The following MYZAP variants were observed in gnomAD, a reference collection of about 807,000 sequenced individuals.
The protein encoded by MYZAP is myocardial zonula adherens protein, also known as GRINL1A complex locus upstream.
A neutral mutation model predicts 69.4 loss-of-function variants in MYZAP; 66 were observed. The ratio of observed to expected loss-of-function variants is 0.95; its 90% CI spans 0.78 to 1.17. The LOEUF is 1.17. Ranked by LOEUF, MYZAP falls within the 50% of genes most tolerant of loss-of-function variation. The pLI is 0.00. For missense variants in MYZAP, 611 were observed against 556.2 expected, an observed-to-expected ratio of 1.10 and a Z score of -0.99; for synonymous variants, 256 against 205.9, an observed-to-expected ratio of 1.24 and a Z score of -2.09.
intron 12 of MYZAP, among the ~76,000 whole-genome samples, chr15:57,675,898 C>T (rs771514105): frequency 7.9e-5 from 12 of 152,236 alleles, no homozygotes; most frequent in South Asian, 2.1e-4. Flanking sequence ...TGCCTGGTAT[C>T]GTGTGTGCAG....
At chr15:57,616,689 A>G (rs2035473078) in intron 2 of MYZAP, among the ~76,000 whole-genome samples, 1 of 151,918 alleles carries the variant, frequency 6.6e-6, no homozygotes, top group Admixed American at 6.6e-5. Context: ...TACACTTGTA[A>G]TTCCAGCTGA....
At chr15:57,647,756 C>A (rs2037515898) in intron 10 of MYZAP, 1 of 985,306 alleles carries the variant, frequency 1.0e-6, no homozygotes, top group African/African-American at 1.7e-5. Flanking sequence ...GCCCTGGGTC[C>A]TAGGCTCATT....
At chr15:57,628,630 C>T (rs1211727648) in intron 5 of MYZAP, among the ~76,000 whole-genome samples, 1 of 152,180 alleles carries the variant, frequency 6.6e-6, no homozygotes, top group African/African-American at 2.4e-5. Context: ...GCAAAAATCA[C>T]TTGTCTGCAT....
At chr15:57,668,894 AT>A (rs869270863) in intron 11 of MYZAP, among the ~76,000 whole-genome samples, 1,908 of 62,550 alleles carry the variant, frequency 0.031, 42 homozygotes, top group African/African-American at 0.069. Context: ...ATATATATAT[AT>A]TTTTTTTTTT....
Position 57,629,971 on chromosome 15 carries a change from A to ATTTTTTTTTTTTTTTT in MYZAP, c.678+132_678+133insTTTTTTTTTTTTTTTT, listed in dbSNP as rs59322468. On this transcript the variant is annotated intron_variant, in intron 6 of 12. Transcript: ENST00000267853. ...TTTTCTCCATTCTCTTCTTCATTGG[A>ATTTTTTTTTTTTTTTT]TTTTTTTTTTTTTTTGAGACAGAGT... 4.7e-4 allele frequency: 408 copies of ATTTTTTTTTTTTTTTT among 875,176 alleles called. 34 individuals carry two copies. In the African/African-American group the frequency reaches 8.3e-3, roughly 18 times the overall value. The allele number at this position is 875,176 out of a possible 1,614,324, so 54.2% of individuals were successfully genotyped here.
At chr15:57,661,578 A>C in intron 11 of MYZAP, 45 bp downstream of exon 11, 1 of 1,510,136 alleles carries the variant, frequency 6.6e-7, no homozygotes, top group Non-Finnish European at 9.0e-7. Context: ...CCTACCATTA[A>C]ATTTTATGTT....
intron 12 of MYZAP, among the ~76,000 whole-genome samples, chr15:57,683,508 A>G (rs1345483049): frequency 1.3e-5 from 2 of 152,132 alleles, no homozygotes; most frequent in Non-Finnish European, 2.9e-5. Flanking sequence ...CATGTTTCAT[A>G]TTTTTCTGAA....
chr15:57,639,619 C>A, intron 10 of MYZAP, 74 bp downstream of exon 10: 2 of 1,517,538 alleles, frequency 1.3e-6, no homozygotes, highest in South Asian at 1.2e-5. Flanking sequence ...ACAAGTCTGC[C>A]TTGCCCCTCC....
At chr15:57,616,239 G>A (rs1204849874) in intron 2 of MYZAP, among the ~76,000 whole-genome samples, 1 of 152,232 alleles carries the variant, frequency 6.6e-6, no homozygotes, top group Admixed American at 6.5e-5. Context: ...TGTGGGCCAG[G>A]CAAGGTGGCT....
intron 1 of MYZAP, among the ~76,000 whole-genome samples, chr15:57,592,685 T>C (rs983712486): frequency 6.6e-6 from 1 of 152,178 alleles, no homozygotes; most frequent in Admixed American, 6.5e-5. Flanking sequence ...GTGACAACAA[T>C]GGCAGCACTG....
chr15:57,593,226 A>G (rs1399634510), intron 1 of MYZAP, among the ~76,000 whole-genome samples: 5 of 149,324 alleles, frequency 3.3e-5, no homozygotes, highest in African/African-American at 7.7e-5. Flanking sequence ...CCCAGAATCC[A>G]TCAGTTGGCT....
chr15:57,611,804 A>G (rs953780673), intron 2 of MYZAP, among the ~76,000 whole-genome samples: 1 of 151,998 alleles, frequency 6.6e-6, no homozygotes, highest in Non-Finnish European at 1.5e-5. Context: ...CCCAGGTGCA[A>G]TCATAGCACA....
At chr15:57,634,688 A>G (rs1468200577) in intron 8 of MYZAP, among the ~76,000 whole-genome samples, 1 of 152,220 alleles carries the variant, frequency 6.6e-6, no homozygotes, top group African/African-American at 2.4e-5. Flanking sequence ...CATGAAATTC[A>G]GTTCTGTGGA....
intron 12 of MYZAP, among the ~76,000 whole-genome samples, chr15:57,682,337 C>G (rs2039487517): frequency 6.6e-6 from 1 of 152,022 alleles, no homozygotes. Context: ...CACCTAATGG[C>G]AAGAGAAGCT....
At position 57,618,139 on chromosome 15, in the gene MYZAP, ATGGG is replaced by A. The variant is rs2035592858; in HGVS notation, c.273_276del (p.Trp92ProfsTer5). ...AATCAGCAGAAAGAAATGGTGGTGT[ATGGG>A]TGGTCCACCAGTCAGCTGAAAGAAG... On this transcript the variant is annotated frameshift_variant, in exon 3 of 13. Coordinates refer to ENST00000267853, the MANE Select transcript of MYZAP (RefSeq NM_001018100.5). LOFTEE classifies it high-confidence loss of function. 1 of 1,614,062 alleles carries A rather than the reference ATGGG, an allele frequency of 6.2e-7. No homozygotes were observed. The highest frequency in any genetic ancestry group is 8.5e-7 in the Non-Finnish European group (1 of 1,180,034).
chr15:57,674,876 G>A (rs2039039165), intron 11 of MYZAP, 92 bp from the exon 12 acceptor site: 1 of 1,132,708 alleles, frequency 8.8e-7, no homozygotes, highest in Middle Eastern at 2.0e-4. Flanking sequence ...ATGTCATGGG[G>A]CAAAATCAGA....
At chr15:57,646,548 C>T (rs1322712508) in intron 10 of MYZAP, 1 of 1,015,226 alleles carries the variant, frequency 9.9e-7, no homozygotes, top group Non-Finnish European at 1.2e-6. Context: ...TGAATCCTTA[C>T]TTATGGAAAA....
chr15:57,597,669 G>T (rs897770495), intron 1 of MYZAP, among the ~76,000 whole-genome samples: 1 of 152,188 alleles, frequency 6.6e-6, no homozygotes, highest in African/African-American at 2.4e-5. Flanking sequence ...GGAATGTTTT[G>T]TATGCCTCTG....
intron 1 of MYZAP, among the ~76,000 whole-genome samples, chr15:57,603,314 T>G (rs2034534333): frequency 6.6e-6 from 1 of 152,024 alleles, no homozygotes; most frequent in Non-Finnish European, 1.5e-5. Context: ...GGGACAGCTT[T>G]TTTTTTTAAA....
Sources: allele counts gnomAD v4.1 joint callset (sites outside exome capture counted in the v4.1 genomes callset), GRCh38; gene constraint gnomAD v4.1.1; transcripts MANE v1.5; gene names NCBI Gene and HGNC (gene_info 2026-07-23, HGNC 2026-07-21).